GPSM2: variants seen among roughly 807,000 people sequenced by gnomAD.
The protein encoded by GPSM2 is G protein-signaling modulator 2.
In GPSM2, 58 loss-of-function variants were observed where a neutral mutation model predicts 78.4. The ratio of observed to expected loss-of-function variants is 0.74; its 90% CI spans 0.60 to 0.92. The LOEUF (loss-of-function observed/expected upper bound fraction) is 0.92, where lower values mean the gene tolerates loss of function less well. Ranked by LOEUF, GPSM2 falls within the 40% of genes least tolerant of loss-of-function variation. The pLI, the probability that GPSM2 is intolerant of heterozygous loss-of-function variation, is 0.00. For synonymous variants in GPSM2, 224 were observed against 280.2 expected (o/e 0.80, Z 2.00); for missense variants, 700 against 815.5 (o/e 0.86, Z 1.73).
At chr1:108,923,978 G>T (rs1351909324) in intron 13 of GPSM2, 22 bp from the exon 14 acceptor site, 6 of 1,461,916 alleles carry the variant, frequency 4.1e-6, no homozygotes, top group Non-Finnish European at 5.8e-6. Context: ...TTTAATCTTT[G>T]GCTTTCTTCT....
chr1:108,883,348 AG>A (rs1647266968), intron 1 of GPSM2, among the ~76,000 whole-genome samples: 1 of 152,234 alleles, frequency 6.6e-6, no homozygotes, highest in Admixed American at 6.5e-5. Context: ...AATACTTAAA[AG>A]GATGTTATAT....
intron 8 of GPSM2, 81 bp from the exon 9 acceptor site, chr1:108,903,045 T>C: frequency 1.2e-6 from 1 of 808,446 alleles, no homozygotes; most frequent in East Asian, 2.6e-5. Context: ...TTTATCCCTT[T>C]AGTTCCTGCT....
intron 6 of GPSM2, 24 bp from the exon 7 acceptor site, chr1:108,898,855 T>G (rs1444594758): frequency 6.3e-7 from 1 of 1,596,328 alleles, no homozygotes. Context: ...TTTATCTACA[T>G]CTAATTAAAA....
rs1210421497 is a variant in GPSM2, at chr1:108,931,330, C to T, written c.*1390C>T. On this transcript the variant is annotated 3_prime_UTR_variant, in exon 15 of 15. Coordinates refer to ENST00000264126, the MANE Select transcript of GPSM2 (RefSeq NM_013296.5). ...TATCCCAGATATTGAAGGCAGTTTA[C>T]AAGGGGATGATAACAAAGTAACTAA... is the stretch of plus-strand genomic sequence containing the variant. The T allele has an allele frequency of 6.5e-7, 1 of 1,549,736 alleles. No individual in the cohort carries two copies. The highest frequency in any genetic ancestry group is 2.4e-5 in the East Asian group (1 of 40,860).
chr1:108,919,636 T>C (rs955763044), intron 12 of GPSM2, among the ~76,000 whole-genome samples: 1 of 151,656 alleles, frequency 6.6e-6, no homozygotes, highest in Non-Finnish European at 1.5e-5. Context: ...GCCTAGGAGG[T>C]GGAGGTTGCA....
intron 5 of GPSM2, 77 bp downstream of exon 5, chr1:108,898,178 T>C (rs1455308960): frequency 7.2e-7 from 1 of 1,387,124 alleles, no homozygotes; most frequent in East Asian, 2.3e-5. Context: ...TATTCAGTAG[T>C]AAGTTTTTAA....
intron 9 of GPSM2, 109 bp downstream of exon 9, chr1:108,903,343 G>C: frequency 1.5e-6 from 1 of 686,790 alleles, no homozygotes; most frequent in Non-Finnish European, 2.6e-6. Context: ...TAATAAATTT[G>C]ATTATATATC....
At chr1:108,886,672 G>T (rs973177433) in intron 2 of GPSM2, among the ~76,000 whole-genome samples, 1 of 152,118 alleles carries the variant, frequency 6.6e-6, no homozygotes, top group Non-Finnish European at 1.5e-5. Flanking sequence ...ATATATAATA[G>T]GTTATGCACA....
chr1:108,901,459 C>G (rs1216574659), intron 7 of GPSM2, among the ~76,000 whole-genome samples: 1 of 152,078 alleles, frequency 6.6e-6, no homozygotes, highest in Non-Finnish European at 1.5e-5. Context: ...TTAGCTATTG[C>G]CAATACTAAA....
rs1413845288 is a variant in GPSM2 at position 108,932,643 on chromosome 1, T to A, written c.*2703T>A. 2 of 152,188 alleles carry A rather than the reference T, an allele frequency of 1.3e-5. No individual in the cohort carries two copies. The highest frequency in any genetic ancestry group is 2.9e-5 in the Non-Finnish European group (2 of 68,026). 9.4% of individuals were successfully genotyped at this position (152,188 alleles called of 1,614,324 possible). The stretch of plus-strand genomic sequence containing the variant: ...CTGGGGCATTCACTACTTTTCAGAG[T>A]CAGATCACAGTTCAAAAGACAGCTC... On this transcript the variant is annotated 3_prime_UTR_variant, in exon 15 of 15. Coordinates refer to ENST00000264126, the MANE Select transcript of GPSM2 (RefSeq NM_013296.5).
At chr1:108,891,076 G>T (rs975497143) in intron 2 of GPSM2, among the ~76,000 whole-genome samples, 1 of 152,124 alleles carries the variant, frequency 6.6e-6, no homozygotes, top group East Asian at 1.9e-4. Context: ...GAGTAGAGAT[G>T]AATAAATAAT....
chr1:108,918,573 G>A, intron 11 of GPSM2, 40 bp from the exon 12 acceptor site: 3 of 1,428,192 alleles, frequency 2.1e-6, no homozygotes, highest in Non-Finnish European at 9.9e-7. Flanking sequence ...TGGGGATTTG[G>A]GGGTGTTTAT....
At chr1:108,888,274 A>T (rs900053199) in intron 2 of GPSM2, among the ~76,000 whole-genome samples, 4 of 151,940 alleles carry the variant, frequency 2.6e-5, no homozygotes, top group African/African-American at 9.7e-5. Context: ...CTGGTCTCGA[A>T]CTCCTGACCT....
chr1:108,922,005 TA>T (rs34653521), intron 12 of GPSM2, among the ~76,000 whole-genome samples: 1 of 151,742 alleles, frequency 6.6e-6, no homozygotes, highest in Admixed American at 6.6e-5. Flanking sequence ...AATCTAAGTA[TA>T]AAAAAAAGAC....
chr1:108,886,463 T>C (rs1295415974), intron 2 of GPSM2, among the ~76,000 whole-genome samples: 1 of 151,972 alleles, frequency 6.6e-6, no homozygotes, highest in Non-Finnish European at 1.5e-5. Flanking sequence ...GGCACCCACA[T>C]GCATTCTCTC....
chr1:108,929,871 A>C lies in GPSM2; in HGVS notation c.1986A>C (p.Leu662=). 1 of 1,613,918 alleles carries C rather than the reference A, an allele frequency of 6.2e-7. No homozygotes were observed. The highest frequency in any genetic ancestry group is 8.5e-7 in the Non-Finnish European group (1 of 1,179,778). ...RDQNRDTDFG[L]KDFLQNNALL... is the part of the protein sequence containing the mutation. ...AAAACAGAGACACTGACTTTGGGCT[A>C]AAGGACTTTTTGCAAAATAATGCTT... is the stretch of plus-strand genomic sequence containing the variant. The change falls in exon 15 of 15, where the codon CTA becomes CTC. Residue 662 remains leucine, a synonymous_variant. Coordinates refer to ENST00000264126, the MANE Select transcript of GPSM2 (RefSeq NM_013296.5).
At chr1:108,888,559 C>T (rs1304645780) in intron 2 of GPSM2, among the ~76,000 whole-genome samples, 11 of 152,306 alleles carry the variant, frequency 7.2e-5, no homozygotes, top group East Asian at 3.9e-4. Context: ...AGGCTGGTCT[C>T]GAACTCCTGG....
At position 108,929,931 on chromosome 1, in the gene GPSM2, A is replaced by T; in HGVS notation, c.2046A>T (p.Ala682=). 6.2e-7 allele frequency: 1 copy of T among 1,613,484 alleles called. No homozygotes were observed. The change falls in exon 15 of 15, where the codon GCA becomes GCT. Residue 682 remains alanine (A), a synonymous_variant. Transcript: ENST00000264126. ...LEFKNSGKKS[A]DH Reference sequence around the variant, plus strand: ...TTAAAAATTCAGGGAAAAAATCGGCAGACCATTAGTTACTATGGATTTATT... The same window carrying T: ...TTAAAAATTCAGGGAAAAAATCGGCTGACCATTAGTTACTATGGATTTATT...
chr1:108,892,983 G>T (rs1648077159), intron 2 of GPSM2, among the ~76,000 whole-genome samples: 1 of 152,166 alleles, frequency 6.6e-6, no homozygotes, highest in African/African-American at 2.4e-5. Flanking sequence ...TCACTACATG[G>T]ACTTCAAGGA....
Sources: allele counts gnomAD v4.1 joint callset (sites outside exome capture counted in the v4.1 genomes callset), GRCh38; gene constraint gnomAD v4.1.1; transcripts MANE v1.5; gene names NCBI Gene and HGNC (gene_info 2026-07-23, HGNC 2026-07-21).